Variants in RPL19 observed in about 807,000 individuals in gnomAD.
The protein encoded by RPL19 is ribosomal protein L19.
Under a neutral mutation model 25.1 loss-of-function variants are expected in RPL19, and 2 were observed. The observed-to-expected ratio is 0.08, with a 90% CI of 0.03 to 0.25. The LOEUF is 0.25. RPL19 is among the 10% of genes least tolerant of loss of function. The pLI is 1.00. For synonymous variants in RPL19, 89 were observed against 91.2 expected (o/e 0.98, Z 0.14); for missense variants, 123 against 271.8 (o/e 0.45, Z 3.85).
At chr17:39,204,043 C>A in intron 4 of RPL19, 34 bp from the exon 5 acceptor site, 1 of 1,253,498 alleles carries the variant, frequency 8.0e-7, no homozygotes, top group Non-Finnish European at 1.2e-6. Context: ...GATCCATCAC[C>A]AACCAGCATC....
Position 39,202,324 on chromosome 17 carries a change from G to C in RPL19, c.120G>C (p.Gln40His), listed in dbSNP as rs1194352991. The stretch of plus-strand genomic sequence containing the variant: ...TGCATTATGCTTTCCCAGGTCAGCA[G>C]ATCCGGAAGCTCATCAAAGATGGGC... ...NEIANANSRQ[Q>H]IRKLIKDGLI... The change falls in exon 3 of 6, where the codon CAG becomes CAC. Residue 40 changes from glutamine to histidine, a missense_variant. Coordinates refer to ENST00000225430, the MANE Select transcript of RPL19 (RefSeq NM_000981.4). 3 of 1,613,792 alleles carry C rather than the reference G, an allele frequency of 1.9e-6. No homozygotes were observed. Among genetic ancestry groups the C allele is most frequent in the Non-Finnish European group, 2.5e-6 (3 of 1,179,962 alleles).
chr17:39,201,966 C>T (rs546755507), intron 2 of RPL19, among the ~76,000 whole-genome samples: 7 of 152,028 alleles, frequency 4.6e-5, no homozygotes, highest in Non-Finnish European at 8.8e-5. Flanking sequence ...AGTGTGCTTT[C>T]ATATATTTAA....
chr17:39,200,651 T>A, intron 1 of RPL19: 2 of 1,160,912 alleles, frequency 1.7e-6, no homozygotes. Context: ...GGGCCCTTTC[T>A]TGCTTGGCAC....
At chr17:39,200,969 CCTTGG>C (rs1174760445) in intron 1 of RPL19, among the ~76,000 whole-genome samples, 1 of 152,134 alleles carries the variant, frequency 6.6e-6, no homozygotes, top group Non-Finnish European at 1.5e-5. Context: ...TCCAATAAGT[CCTTGG>C]CTTGACTTTC....
intron 1 of RPL19, 156 bp from the exon 2 acceptor site, chr17:39,201,057 G>A (rs2046283541): frequency 3.3e-6 from 2 of 597,604 alleles, no homozygotes; most frequent in Non-Finnish European, 5.9e-6. Flanking sequence ...TAAACCCAAG[G>A]GGGCCAGCTG....
intron 2 of RPL19, 80 bp from the exon 3 acceptor site, chr17:39,202,237 G>C: frequency 6.4e-7 from 1 of 1,554,946 alleles, no homozygotes; most frequent in Non-Finnish European, 8.8e-7. Context: ...AATGTGAGCA[G>C]TGTCTCTGGC....
At chr17:39,203,631 C>A (rs2144211404) in intron 4 of RPL19, among the ~76,000 whole-genome samples, 1 of 152,026 alleles carries the variant, frequency 6.6e-6, no homozygotes, top group Middle Eastern at 3.4e-3. Flanking sequence ...GCCTCACCGT[C>A]TCAAGTACCT....
At position 39,204,721 on chromosome 17, in the gene RPL19, A is replaced by C; in HGVS notation, c.*73A>C. 6 of 1,473,898 alleles carry C rather than the reference A, an allele frequency of 4.1e-6. No individual in the cohort carries two copies. The highest frequency in any genetic ancestry group is 5.6e-6 in the Non-Finnish European group (6 of 1,072,418). 91.3% of individuals were successfully genotyped at this position (1,473,898 alleles called of 1,614,324 possible). ...CAGCCATTAAAATAAAACAAGCCTTAATCTGCCTTCCTCTCTGCTTCTTGC... is the reference window on the plus strand; with the variant it reads ...CAGCCATTAAAATAAAACAAGCCTTCATCTGCCTTCCTCTCTGCTTCTTGC... On this transcript the variant is annotated 3_prime_UTR_variant, in exon 6 of 6. Transcript: ENST00000225430.
intron 3 of RPL19, 93 bp downstream of exon 3, chr17:39,202,532 C>T (rs2046298512): frequency 2.0e-6 from 3 of 1,476,034 alleles, no homozygotes; most frequent in Non-Finnish European, 2.8e-6. Flanking sequence ...TCATCTTGAG[C>T]CTGTTTCTTA....
At chr17:39,200,496 C>A (rs1168004918) in intron 1 of RPL19, 147 bp downstream of exon 1, 1 of 1,282,018 alleles carries the variant, frequency 7.8e-7, no homozygotes, top group Non-Finnish European at 9.9e-7. Flanking sequence ...GGAGCACTTT[C>A]GTCCCGGGCC....
chr17:39,203,613 C>T (rs2046305371), intron 4 of RPL19, among the ~76,000 whole-genome samples: 2 of 151,858 alleles, frequency 1.3e-5, no homozygotes, highest in Admixed American at 1.3e-4. Context: ...GGTTCAAGCA[C>T]TTCACCTGCC....
intron 1 of RPL19, chr17:39,200,740 A>G (rs1265693918): frequency 1.9e-6 from 2 of 1,056,350 alleles, no homozygotes; most frequent in Non-Finnish European, 2.3e-6. Context: ...GACTGCCGAG[A>G]GAGGTGATCT....
At position 39,200,334 on chromosome 17, in the gene RPL19, C is replaced by G; in HGVS notation, c.-11C>G. 1 of 1,556,696 alleles carries G rather than the reference C, an allele frequency of 6.4e-7. No homozygotes were observed. Among genetic ancestry groups the G allele is most frequent in the Non-Finnish European group, 8.7e-7 (1 of 1,153,564 alleles). On this transcript the variant is annotated 5_prime_UTR_variant, in exon 1 of 6. Transcript: ENST00000225430. ...AGCGAGCTCTTTCCTTTCGCTGCTG[C>G]GGCCGCAGCCATGAGGTGAGGGCGA...
intron 3 of RPL19, chr17:39,202,718 C>T: frequency 1.7e-6 from 1 of 589,564 alleles, no homozygotes; most frequent in Non-Finnish European, 3.0e-6. Context: ...TTACAACGTG[C>T]TGTGTTGCCT....
At chr17:39,202,679 C>T (rs1029485804) in intron 3 of RPL19, 1 of 607,360 alleles carries the variant, frequency 1.6e-6, no homozygotes, top group Admixed American at 3.0e-5. Context: ...TCTGTACTTT[C>T]TAGTTTCAGA....
At chr17:39,204,221 C>A in intron 5 of RPL19, 34 bp downstream of exon 5, 1 of 1,310,620 alleles carries the variant, frequency 7.6e-7, no homozygotes, top group South Asian at 1.2e-5. Context: ...GGGGAACATT[C>A]TTAGACCTTT....
At chr17:39,204,494 A>G (rs2046310989) in intron 5 of RPL19, 31 bp from the exon 6 acceptor site, 3 of 1,613,166 alleles carry the variant, frequency 1.9e-6, no homozygotes, top group Admixed American at 3.3e-5. Context: ...TCTCTTCCCA[A>G]ACTGACCCGT....
At position 39,202,392 on chromosome 17, in the gene RPL19, G is replaced by T; in HGVS notation, c.188G>T (p.Cys63Phe). The T allele has an allele frequency of 6.2e-7, 1 of 1,614,218 alleles. No homozygotes were observed. The highest frequency in any genetic ancestry group is 1.7e-5 in the Admixed American group (1 of 60,028). The change falls in exon 3 of 6, where the codon TGC becomes TTC. Residue 63 changes from cysteine to phenylalanine, a missense_variant. Transcript: ENST00000225430. Reference sequence around the variant, plus strand: ...GTGACGGTCCATTCCCGGGCTCGATGCCGGAAAAACACCTTGGCCCGCCGG... The same window carrying T: ...GTGACGGTCCATTCCCGGGCTCGATTCCGGAAAAACACCTTGGCCCGCCGG... ...KPVTVHSRAR[C>F]RKNTLARRKG...
chr17:39,200,818 G>T, intron 1 of RPL19: 1 of 971,678 alleles, frequency 1.0e-6, no homozygotes. Flanking sequence ...GCCGAACGAG[G>T]CTTGTTACTG....
Sources: gnomAD v4.1 joint callset for allele counts (sites outside exome capture counted in the v4.1 genomes callset) on GRCh38, gnomAD v4.1.1 for gene constraint, MANE v1.5 for transcripts, NCBI Gene and HGNC (gene_info 2026-07-23, HGNC 2026-07-21) for gene names.